SAMD3: variants seen among roughly 807,000 people sequenced by gnomAD.
SAMD3 encodes sterile alpha motif domain-containing protein 3.
A neutral mutation model predicts 58.5 loss-of-function variants in SAMD3; 63 were observed. The ratio of observed to expected loss-of-function variants is 1.08; its 90% CI spans 0.88 to 1.33. The LOEUF is 1.33. SAMD3 is among the 40% of genes most tolerant of loss of function. The pLI is 0.00. For synonymous variants in SAMD3, 220 were observed against 210.3 expected (o/e 1.05, Z -0.40); for missense variants, 604 against 608.4 (o/e 0.99, Z 0.08).
intron 2 of SAMD3, among the ~76,000 whole-genome samples, chr6:130,275,202 G>A (rs1301100676): frequency 6.6e-6 from 1 of 152,048 alleles, no homozygotes. Context: ...TGTATTTCCT[G>A]TAGACAGAAG....
At chr6:130,239,363 C>T (rs1389546734) in intron 2 of SAMD3, among the ~76,000 whole-genome samples, 1 of 152,070 alleles carries the variant, frequency 6.6e-6, no homozygotes, top group African/African-American at 2.4e-5. Flanking sequence ...AAATATCTAT[C>T]TGTAGGTATA....
intron 1 of SAMD3, among the ~76,000 whole-genome samples, chr6:130,361,367 A>T (rs1295055316): frequency 1.3e-5 from 2 of 152,220 alleles, no homozygotes; most frequent in African/African-American, 4.8e-5. Flanking sequence ...GACTTCCCGC[A>T]ACATGAAAGG....
At chr6:130,208,044 A>C (rs753018665) in intron 5 of SAMD3, among the ~76,000 whole-genome samples, 3 of 152,216 alleles carry the variant, frequency 2.0e-5, no homozygotes, top group Non-Finnish European at 4.4e-5. Flanking sequence ...ACAACAGTCC[A>C]CTTGGAAAAA....
chr6:130,272,125 G>A (rs374512804), intron 2 of SAMD3, among the ~76,000 whole-genome samples: 11 of 152,052 alleles, frequency 7.2e-5, no homozygotes, highest in South Asian at 2.1e-4. Flanking sequence ...ATATTGTTAC[G>A]TTTAAAGTTT....
At chr6:130,180,957 T>C (rs200755896) in intron 7 of SAMD3, among the ~76,000 whole-genome samples, 1 of 82,642 alleles carries the variant, frequency 1.2e-5, no homozygotes, top group Non-Finnish European at 2.9e-5. Flanking sequence ...TTCTTTCTTT[T>C]TTCTTTTGAG....
intron 8 of SAMD3, among the ~76,000 whole-genome samples, chr6:130,172,603 G>C (rs1791350025): frequency 6.6e-6 from 1 of 152,144 alleles, no homozygotes; most frequent in South Asian, 2.1e-4. Context: ...TTCCCTTTAT[G>C]GGTAACCTGG....
At chr6:130,360,991 G>A (rs1777971136) in intron 1 of SAMD3, among the ~76,000 whole-genome samples, 1 of 152,140 alleles carries the variant, frequency 6.6e-6, no homozygotes, top group Non-Finnish European at 1.5e-5. Context: ...CTGAACAATT[G>A]CTGTTATACT....
chr6:130,332,844 A>T (rs1054830014), intron 1 of SAMD3, among the ~76,000 whole-genome samples: 3 of 152,224 alleles, frequency 2.0e-5, no homozygotes, highest in African/African-American at 7.2e-5. Context: ...CTGCAAGCTG[A>T]TACAGCAGAA....
intron 1 of SAMD3, among the ~76,000 whole-genome samples, chr6:130,319,708 G>A (rs1408341366): frequency 2.6e-5 from 4 of 152,046 alleles, no homozygotes; most frequent in African/African-American, 9.7e-5. Flanking sequence ...ATTAAGAAAT[G>A]GCATGTAGAA....
At chr6:130,351,911 T>C (rs1777683374) in intron 1 of SAMD3, among the ~76,000 whole-genome samples, 1 of 151,996 alleles carries the variant, frequency 6.6e-6, no homozygotes, top group Admixed American at 6.6e-5. Context: ...ATGTCCTTTG[T>C]AGGGACATGA....
intron 1 of SAMD3, among the ~76,000 whole-genome samples, chr6:130,219,283 T>C (rs548940886): frequency 2.0e-5 from 3 of 152,298 alleles, no homozygotes; most frequent in South Asian, 2.1e-4. Context: ...CTATACGTTA[T>C]GCTAAACGAT....
At position 130,144,769 on chromosome 6, in the gene SAMD3, G is replaced by T. The variant is rs779507039; in HGVS notation, c.1314C>A (p.Asn438Lys). The change falls in exon 12 of 12, where the codon AAC becomes AAA. Residue 438 changes from asparagine (N) to lysine (K), a missense_variant. Coordinates refer to ENST00000439090, the MANE Select transcript of SAMD3 (RefSeq NM_001017373.4). ...ATTCGCAGACCTCCATGTTGAAAGGGTTTTTAACTTCCAACACAGGTGTGG... is the reference window on the plus strand; with the variant it reads ...ATTCGCAGACCTCCATGTTGAAAGGTTTTTTAACTTCCAACACAGGTGTGG... ...QVSTPVLEVK[N>K]PFNMEVCEFS... The T allele has an allele frequency of 6.2e-7, 1 of 1,613,882 alleles. No homozygotes were observed. Among genetic ancestry groups the T allele is most frequent in the Admixed American group, 1.7e-5 (1 of 59,994 alleles).
chr6:130,159,787 T>A (rs899553253), intron 8 of SAMD3: 1 of 152,082 alleles, frequency 6.6e-6, no homozygotes, highest in Admixed American at 6.6e-5. Flanking sequence ...AAAGGATTTT[T>A]ACAAGTAAAT....
chr6:130,208,541 A>T (rs1795272448), intron 5 of SAMD3, among the ~76,000 whole-genome samples: 1 of 152,152 alleles, frequency 6.6e-6, no homozygotes, highest in Admixed American at 6.5e-5. Flanking sequence ...TGGCAGCATT[A>T]GATTCTCATA....
intron 2 of SAMD3, among the ~76,000 whole-genome samples, chr6:130,273,724 A>T (rs976209364): frequency 3.9e-5 from 6 of 152,032 alleles, no homozygotes; most frequent in African/African-American, 1.2e-4. Context: ...AAAACCATCC[A>T]TTTTAAGCTG....
At chr6:130,176,874 G>A (rs1257554645) in intron 7 of SAMD3, among the ~76,000 whole-genome samples, 1 of 152,178 alleles carries the variant, frequency 6.6e-6, no homozygotes, top group Non-Finnish European at 1.5e-5. Context: ...GGAGCACAGA[G>A]CTCAAGATGA....
chr6:130,166,884 G>T (rs1271746163), intron 8 of SAMD3, among the ~76,000 whole-genome samples: 1 of 152,150 alleles, frequency 6.6e-6, no homozygotes, highest in Non-Finnish European at 1.5e-5. Context: ...GGTAAGCATT[G>T]GCAGGAATAC....
rs1200825904 is a variant in SAMD3, at chr6:130,332,193, G to A, written c.-303-19100C>T. 2.0e-5 allele frequency among the ~76,000 whole-genome samples: 3 copies of A among 152,184 alleles called. No homozygotes were observed. The East Asian group carries it at 5.8e-4, about 29-fold the overall frequency. On this transcript the variant is annotated intron_variant, in intron 1 of 13. Transcript: ENST00000368134. The stretch of plus-strand genomic sequence containing the variant: ...TTGAACATGAAAGGGAAAGTTATGA[G>A]ATGAATGGATTGTGGTTCCTAGATT...
chr6:130,270,389 G>A (rs943711897), intron 2 of SAMD3, among the ~76,000 whole-genome samples: 23 of 152,168 alleles, frequency 1.5e-4, no homozygotes, highest in African/African-American at 5.3e-4. Context: ...CCCTGCGTCA[G>A]GCCAGGATGT....
Sources: gnomAD v4.1 joint callset for allele counts (sites outside exome capture counted in the v4.1 genomes callset) on GRCh38, gnomAD v4.1.1 for gene constraint, MANE v1.5 for transcripts, NCBI Gene and HGNC (gene_info 2026-07-23, HGNC 2026-07-21) for gene names.